Variants in FES observed in about 807,000 individuals in gnomAD.
FES encodes tyrosine-protein kinase Fes/Fps.
A neutral mutation model predicts 109.6 loss-of-function variants in FES; 83 were observed. That is an observed-to-expected ratio of 0.76 (90% CI 0.63 to 0.91). FES has a LOEUF of 0.91. FES is among the 40% of genes least tolerant of loss of function. The pLI is 0.00. For missense variants in FES, 943 were observed against 1,070.9 expected (o/e 0.88, Z 1.67); for synonymous variants, 458 against 442.1 (o/e 1.04, Z -0.45).
In FES at chr15:90,889,852, G is replaced by T; in HGVS notation, c.939G>T (p.Val313=). The T allele has an allele frequency of 6.2e-7, 1 of 1,613,680 alleles. No homozygotes were observed. The highest frequency in any genetic ancestry group is 1.1e-5 in the South Asian group (1 of 91,036). The change falls in exon 8 of 19, where the codon GTG becomes GTT. Residue 313 remains valine (V), a synonymous_variant. Coordinates refer to ENST00000328850, the MANE Select transcript of FES (RefSeq NM_002005.4). The surrounding 1 kb of genome is among the most constrained non-coding windows in gnomAD (Gnocchi z 6.1). ...VESVQHTLTS[V]TDELAVATEM... ...CTCTTGGGTGCAGGCTGACCTCAGT[G>T]ACAGATGAGCTGGCTGTGGCCACCG...
intron 3 of FES, 85 bp downstream of exon 3, chr15:90,885,670 T>G (rs2032533862): frequency 6.6e-7 from 1 of 1,510,772 alleles, no homozygotes; most frequent in African/African-American, 1.4e-5. Context: ...GGCCCTGGAT[T>G]CACTGGGGAA....
At position 90,892,687 on chromosome 15, in the gene FES, G is replaced by A. The variant is rs766293172; in HGVS notation, c.1708-20G>A. ...CTGCGGGACTGGGAAGGCCGTGGTA[G>A]GAGCCCAAGACCGTTTCAGGGGAAC... On this transcript the variant is annotated intron_variant, in intron 13 of 18. Transcript: ENST00000328850. The A allele has an allele frequency of 1.9e-6, 3 of 1,583,250 alleles. No individual in the cohort carries two copies. Among genetic ancestry groups the A allele is most frequent in the East Asian group, 2.3e-5 (1 of 44,122 alleles).
In FES at chr15:90,890,271, C is replaced by T. The variant is rs767008963; in HGVS notation, c.1229C>T (p.Ser410Leu). 1.1e-5 allele frequency: 18 copies of T among 1,591,072 alleles called. No individual in the cohort carries two copies. The highest frequency in any genetic ancestry group is 1.5e-5 in the Non-Finnish European group (17 of 1,171,800). Residue 410 changes from serine (S) to leucine (L), a missense_variant, in exon 9 of 19, where the codon TCG becomes TTG. Transcript: ENST00000328850. ...CTGCAGGATGACCGCCACTCCACGT[C>T]GTCCTCGGTGAGCTGCCCCATCCGC... ...LLLQDDRHST[S>L]SSEQEREGGR...
Position 90,893,209 on chromosome 15 carries a change from C to T in FES, c.1921+15C>T. 6.2e-7 allele frequency: 1 copy of T among 1,613,650 alleles called. No homozygotes were observed. The highest frequency in any genetic ancestry group is 8.5e-7 in the Non-Finnish European group (1 of 1,179,874). On this transcript the variant is annotated intron_variant, in intron 15 of 18. Coordinates refer to ENST00000328850, the MANE Select transcript of FES (RefSeq NM_002005.4). Reference sequence around the variant, plus strand: ...GCTTGTGCAGGGTGAGCGCGGGGCGCTGAGCTCCAGGTAGGGCGCGCAGCC... The same window carrying T: ...GCTTGTGCAGGGTGAGCGCGGGGCGTTGAGCTCCAGGTAGGGCGCGCAGCC...
Position 90,885,145 on chromosome 15 carries a change from A to G in FES, c.100A>G (p.Met34Val), listed in dbSNP as rs1413904157. The G allele has an allele frequency of 3.1e-6, 5 of 1,613,874 alleles. No homozygotes were observed. The highest frequency in any genetic ancestry group is 3.4e-6 in the Non-Finnish European group (4 of 1,180,040). The change falls in exon 2 of 19, where the codon ATG (methionine) becomes GTG (valine). Residue 34 changes from methionine (M) to valine (V), a missense_variant. By Grantham distance (21) the Met-to-Val change is conservative. Coordinates refer to ENST00000328850, the MANE Select transcript of FES (RefSeq NM_002005.4). ...TCTACTGGAGGGCATGAGAAAGTGG[A>G]TGGCCCAGCGGGTCAAGAGTGACAG... ...LRLLEGMRKW[M>V]AQRVKSDREY... is the part of the protein sequence containing the mutation.
chr15:90,887,292 A>G lies in FES; in HGVS notation c.590A>G (p.His197Arg). The G allele has an allele frequency of 6.2e-7, 1 of 1,613,202 alleles. No individual in the cohort carries two copies. Among genetic ancestry groups the G allele is most frequent in the Non-Finnish European group, 8.5e-7 (1 of 1,180,028 alleles). ...VLGVRAAQLHHQHHHQLLLPG... is the reference protein window; with the variant it reads ...VLGVRAAQLHRQHHHQLLLPG... ...GGCGTGCGGGCTGCGCAGCTACACCACCAGCACCACCACCAGCTCCTGCTG... is the reference window on the plus strand; with the variant it reads ...GGCGTGCGGGCTGCGCAGCTACACCGCCAGCACCACCACCAGCTCCTGCTG... The change falls in exon 5 of 19, where the codon CAC (histidine) becomes CGC (arginine). Residue 197 changes from histidine to arginine, a missense_variant. His to Arg is a conservative substitution (Grantham distance 29). Coordinates refer to ENST00000328850, the MANE Select transcript of FES (RefSeq NM_002005.4).
In FES at chr15:90,890,454, C is replaced by T. The variant is rs765124279; in HGVS notation, c.1290C>T (p.His430=). 4 of 1,613,176 alleles carry T rather than the reference C, an allele frequency of 2.5e-6. No homozygotes were observed. Among genetic ancestry groups the T allele is most frequent in the Non-Finnish European group, 3.4e-6 (4 of 1,179,920 alleles). The change falls in exon 10 of 19, where the codon CAC becomes CAT. Residue 430 remains histidine (H), a synonymous_variant. Transcript: ENST00000328850. ...CCACGCTGGAGATCCTTAAGAGCCACATCTCAGGAATCTTCCGCCCCAAGT... is the reference window on the plus strand; with the variant it reads ...CCACGCTGGAGATCCTTAAGAGCCATATCTCAGGAATCTTCCGCCCCAAGT... ...RTPTLEILKS[H]ISGIFRPKFS...
At chr15:90,895,162 T>A (rs1196602948) in intron 18 of FES, among the ~76,000 whole-genome samples, 4 of 152,208 alleles carry the variant, frequency 2.6e-5, no homozygotes, top group Non-Finnish European at 5.9e-5. Context: ...TGCTCATCAC[T>A]ACATGTGTGG....
At position 90,895,656 on chromosome 15, in the gene FES, A is replaced by G. The variant is rs757749462; in HGVS notation, c.*98A>G. The G allele has an allele frequency of 3.0e-5, 34 of 1,128,424 alleles. No homozygotes were observed. The highest frequency in any genetic ancestry group is 3.9e-5 in the Non-Finnish European group (33 of 835,508). The allele number at this position is 1,128,424 out of a possible 1,614,324, so 69.9% of individuals were successfully genotyped here. On this transcript the variant is annotated 3_prime_UTR_variant, in exon 19 of 19. Coordinates refer to ENST00000328850, the MANE Select transcript of FES (RefSeq NM_002005.4). Reference sequence around the variant, plus strand: ...TGCTGACAGCTCTTCACAGTCCTGGACTCCTGCCACCAGCATCCACACTGC... The same window carrying G: ...TGCTGACAGCTCTTCACAGTCCTGGGCTCCTGCCACCAGCATCCACACTGC...
At chr15:90,892,301 C>A in intron 13 of FES, 190 bp downstream of exon 13, 1 of 650,618 alleles carries the variant, frequency 1.5e-6, no homozygotes, top group Non-Finnish European at 2.7e-6. Context: ...AAACTCCCAG[C>A]AGACAGCTCT....
rs1288564375 is a variant in FES at position 90,892,369 on chromosome 15, CACGCAGGGAGACACCCTGTT to C, written c.1707+261_1707+280del. 4 of 592,824 alleles carry C rather than the reference CACGCAGGGAGACACCCTGTT, an allele frequency of 6.7e-6. No homozygotes were observed. In the African/African-American group the frequency reaches 7.4e-5, roughly 11 times the overall value. The allele number at this position is 592,824 out of a possible 1,614,324, so 36.7% of individuals were successfully genotyped here. A position where few individuals can be genotyped will look rare whatever the true frequency, so the allele number is the denominator to read the frequency against. ...GCCGCCCCCATCGAGCTCTTGTGTG[CACGCAGGGAGACACCCTGTT>C]ACTGTAAGCCATAAGATACCTGTTT... On this transcript the variant is annotated intron_variant, in intron 13 of 18. Coordinates refer to ENST00000328850, the MANE Select transcript of FES (RefSeq NM_002005.4).
At chr15:90,892,677 G>A (rs756002860) in intron 13 of FES, 30 bp from the exon 14 acceptor site, 3 of 1,567,000 alleles carry the variant, frequency 1.9e-6, no homozygotes, top group Non-Finnish European at 2.6e-6. Context: ...GGACTGGGAA[G>A]GCCGTGGTAG....
chr15:90,885,308 T>C (rs745402952), intron 2 of FES, 50 bp downstream of exon 2: 3 of 1,601,916 alleles, frequency 1.9e-6, no homozygotes, highest in Non-Finnish European at 2.6e-6. Context: ...TGCCTTCTCC[T>C]TCCTCTCCTG....
chr15:90,890,948 T>C, intron 10 of FES, 34 bp from the exon 11 acceptor site: 1 of 1,545,542 alleles, frequency 6.5e-7, no homozygotes, highest in Non-Finnish European at 8.7e-7. Flanking sequence ...AACAAGGTGG[T>C]TAAGTGACTC....
rs949716063 is a variant in FES at position 90,893,392 on chromosome 15, G to A, written c.2023G>A (p.Glu675Lys). Residue 675 changes from glutamate (E) to lysine (K), a missense_variant, in exon 16 of 19, where the codon GAG (glutamate) becomes AAG (lysine). Glu to Lys is a moderately conservative substitution (Grantham distance 56, BLOSUM62 1). Transcript: ENST00000328850. ...TGCAGCTGCTGGCATGGAGTACCTG[G>A]AGAGCAAGTGCTGCATCCACCGGTG... ...GDAAAGMEYL[E>K]SKCCIHRDLA... The A allele has an allele frequency of 6.4e-7, 1 of 1,557,216 alleles. No homozygotes were observed. The highest frequency in any genetic ancestry group is 8.7e-7 in the Non-Finnish European group (1 of 1,153,790).
Position 90,891,536 on chromosome 15 carries a change from G to C in FES, c.1531-18G>C. On this transcript the variant is annotated intron_variant, in intron 11 of 18. Transcript: ENST00000328850. The stretch of plus-strand genomic sequence containing the variant: ...CCTCAGAATGGAGGCTGCTGACCCC[G>C]GGTCCCCTGCCCTGCAGAACCTGTA... The C allele has an allele frequency of 6.2e-7, 1 of 1,612,998 alleles. No homozygotes were observed. The highest frequency in any genetic ancestry group is 8.5e-7 in the Non-Finnish European group (1 of 1,179,918).
intron 16 of FES, 65 bp from the exon 17 acceptor site, chr15:90,893,589 G>A: frequency 6.6e-7 from 1 of 1,517,940 alleles, no homozygotes; most frequent in East Asian, 2.3e-5. Context: ...GGCTTTCCTA[G>A]AGTGTTCAGC....
At chr15:90,893,547 G>A (rs1283588656) in intron 16 of FES, 107 bp from the exon 17 acceptor site, 3 of 1,493,014 alleles carry the variant, frequency 2.0e-6, no homozygotes, top group Non-Finnish European at 2.7e-6. Context: ...GGTAGACAGG[G>A]GTGCCCAGGG....
intron 13 of FES, 27 bp downstream of exon 13, chr15:90,892,138 G>A (rs2033277457): frequency 1.9e-6 from 3 of 1,613,616 alleles, no homozygotes; most frequent in Non-Finnish European, 2.5e-6. Flanking sequence ...TGGCCTCCTT[G>A]TCGCTGGCGA....
Sources: allele counts gnomAD v4.1 joint callset (sites outside exome capture counted in the v4.1 genomes callset), GRCh38; gene constraint gnomAD v4.1.1; non-coding constraint Gnocchi (gnomAD v3.1); transcripts MANE v1.5; gene names NCBI Gene and HGNC (gene_info 2026-07-23, HGNC 2026-07-21).